SDK1: variants seen among roughly 807,000 people sequenced by gnomAD.
SDK1 encodes the protein sidekick cell adhesion molecule 1, also known as protein sidekick-1.
Under a neutral mutation model 245.5 loss-of-function variants are expected in SDK1, and 157 were observed. The ratio of observed to expected loss-of-function variants is 0.64; its 90% CI spans 0.56 to 0.73. SDK1 has a LOEUF of 0.73. SDK1 is among the 30% of genes least tolerant of loss of function. SDK1 has a pLI of 0.00. For synonymous variants in SDK1, 1,647 were observed against 1,278.5 expected (o/e 1.29, Z -6.15); for missense variants, 3,583 against 3,002.3 (o/e 1.19, Z -4.52).
chr7:3,352,661 G>T (rs1417802822), intron 1 of SDK1, among the ~76,000 whole-genome samples: 1 of 152,116 alleles, frequency 6.6e-6, no homozygotes, highest in African/African-American at 2.4e-5. Flanking sequence ...CAGATACACT[G>T]TTTGGGGTTT....
At chr7:3,506,552 G>T (rs566035469) in intron 1 of SDK1, among the ~76,000 whole-genome samples, 1 of 152,222 alleles carries the variant, frequency 6.6e-6, no homozygotes, top group South Asian at 2.1e-4. Flanking sequence ...TGATGACTCT[G>T]ATGTACTTTG....
intron 35 of SDK1, among the ~76,000 whole-genome samples, chr7:4,191,112 A>G (rs1215926566): frequency 6.6e-6 from 1 of 151,384 alleles, no homozygotes; most frequent in Non-Finnish European, 1.5e-5. Flanking sequence ...AATCAAGCTC[A>G]CTCCTGAGAC....
At chr7:4,153,124 A>G (rs1780493730) in intron 30 of SDK1, among the ~76,000 whole-genome samples, 1 of 152,048 alleles carries the variant, frequency 6.6e-6, no homozygotes, top group Non-Finnish European at 1.5e-5. Context: ...GTCGTGGGAT[A>G]GGTGCGGGGG....
intron 5 of SDK1, among the ~76,000 whole-genome samples, chr7:3,891,294 G>A (rs1781452548): frequency 6.6e-6 from 1 of 152,108 alleles, no homozygotes; most frequent in Non-Finnish European, 1.5e-5. Context: ...TCCAGGCCGT[G>A]GTTTTCGTGG....
At chr7:4,148,465 C>A (rs1437075590) in intron 29 of SDK1, among the ~76,000 whole-genome samples, 1 of 152,252 alleles carries the variant, frequency 6.6e-6, no homozygotes, top group Non-Finnish European at 1.5e-5. Context: ...CTGCACACAC[C>A]AGAGGCAGTG....
intron 5 of SDK1, among the ~76,000 whole-genome samples, chr7:3,897,192 T>C (rs1781633075): frequency 6.6e-6 from 1 of 152,184 alleles, no homozygotes; most frequent in African/African-American, 2.4e-5. Flanking sequence ...AGCCAAACCA[T>C]ATCAATACAT....
chr7:3,656,841 G>A (rs956157946), intron 4 of SDK1, among the ~76,000 whole-genome samples: 42 of 151,120 alleles, frequency 2.8e-4, no homozygotes, highest in Non-Finnish European at 4.9e-4. Context: ...TCCGCCTCCC[G>A]GGTTCACACC....
intron 1 of SDK1, among the ~76,000 whole-genome samples, chr7:3,565,220 G>T (rs1202848521): frequency 6.6e-6 from 1 of 151,992 alleles, no homozygotes; most frequent in Non-Finnish European, 1.5e-5. Flanking sequence ...CAGGAAAATG[G>T]CCTCTACTTC....
chr7:3,417,711 A>G (rs1779413512), intron 1 of SDK1, among the ~76,000 whole-genome samples: 1 of 152,066 alleles, frequency 6.6e-6, no homozygotes, highest in Non-Finnish European at 1.5e-5. Context: ...TTGTTACATA[A>G]AGTGTTTAGT....
At chr7:3,641,689 A>G (rs1221106508) in intron 3 of SDK1, among the ~76,000 whole-genome samples, 1 of 152,242 alleles carries the variant, frequency 6.6e-6, no homozygotes, top group African/African-American at 2.4e-5. Context: ...AGTTGCAGAC[A>G]TTTCCTTGTA....
chr7:3,344,821 C>A (rs1011344087), intron 1 of SDK1, among the ~76,000 whole-genome samples: 2 of 152,120 alleles, frequency 1.3e-5, no homozygotes, highest in Admixed American at 6.5e-5. Flanking sequence ...TTCAGCAGTC[C>A]TAAATTCAGA....
rs115429431 is a variant in SDK1 at position 3,893,117 on chromosome 7, C to T, written c.848-57806C>T. Reference sequence around the variant, plus strand: ...CTCATCTGTGAAGTGAACATCACAGCATCTAACTCTCAGGGCTGTGGGTAG... The same window carrying T: ...CTCATCTGTGAAGTGAACATCACAGTATCTAACTCTCAGGGCTGTGGGTAG... On this transcript the variant is annotated intron_variant, in intron 5 of 44. Transcript: ENST00000404826. Among the ~76,000 whole-genome samples, 977 of 152,286 alleles carry T rather than the reference C, an allele frequency of 6.4e-3. 8 individuals are homozygous for T. Among genetic ancestry groups the T allele is most frequent in the African/African-American group, 0.023 (944 of 41,560 alleles).
intron 1 of SDK1, among the ~76,000 whole-genome samples, chr7:3,493,353 TTTTAATC>T (rs1781922194): frequency 6.6e-6 from 1 of 152,226 alleles, no homozygotes; most frequent in East Asian, 1.9e-4. Flanking sequence ...CTACCTCAGT[TTTTAATC>T]TTTAAGTCCA....
intron 14 of SDK1, among the ~76,000 whole-genome samples, chr7:4,009,227 C>A (rs1415881435): frequency 6.6e-6 from 1 of 152,220 alleles, no homozygotes; most frequent in African/African-American, 2.4e-5. Context: ...CTCCATGCTT[C>A]TTTCTTCTAC....
rs150734266 is a variant in SDK1 at position 3,709,108 on chromosome 7, T to G, written c.713+67003T>G. Among the ~76,000 whole-genome samples, 227 of 152,370 alleles carry G rather than the reference T, an allele frequency of 1.5e-3. 2 individuals carry two copies. The highest frequency in any genetic ancestry group is 5.3e-3 in the African/African-American group (220 of 41,588). ...TTTGTTTCAGAATTCAGAACTCCTT[T>G]TAGCATTTCTTGTAGGGCTGGCCTG... is the stretch of plus-strand genomic sequence containing the variant. On this transcript the variant is annotated intron_variant, in intron 4 of 44. Coordinates refer to ENST00000404826, the MANE Select transcript of SDK1 (RefSeq NM_152744.4).
At chr7:3,623,910 G>A (rs1353593151) in intron 2 of SDK1, among the ~76,000 whole-genome samples, 1 of 152,154 alleles carries the variant, frequency 6.6e-6, no homozygotes, top group East Asian at 1.9e-4. Flanking sequence ...TTTGATGGAT[G>A]TTTATTCTTG....
At chr7:4,240,115 G>A (rs1786426822) in intron 42 of SDK1, among the ~76,000 whole-genome samples, 1 of 152,104 alleles carries the variant, frequency 6.6e-6, no homozygotes, top group Non-Finnish European at 1.5e-5. Context: ...TGTATGAATG[G>A]CGTGTCATTT....
chr7:3,524,961 C>T lies in SDK1; in HGVS notation c.299-94119C>T, dbSNP rs1477582492. Among the ~76,000 whole-genome samples the T allele has an allele frequency of 3.9e-5, 6 of 152,054 alleles. No homozygotes were observed. The East Asian group carries it at 1.2e-3, about 29-fold the overall frequency. On this transcript the variant is annotated intron_variant, in intron 1 of 44. Transcript: ENST00000404826. Reference sequence around the variant, plus strand: ...AATTGACCTCCCCATGTCTCAGGTTCCACATGCACAGATTCAACCAATTGT... The same window carrying T: ...AATTGACCTCCCCATGTCTCAGGTTTCACATGCACAGATTCAACCAATTGT...
intron 3 of SDK1, among the ~76,000 whole-genome samples, chr7:3,639,686 G>A (rs182440233): frequency 8.8e-4 from 134 of 152,226 alleles, no homozygotes; most frequent in African/African-American, 3.1e-3. Context: ...TAGTCTTGAG[G>A]AGAAACAGGA....
Sources: gnomAD v4.1 joint callset for allele counts (sites outside exome capture counted in the v4.1 genomes callset) on GRCh38, gnomAD v4.1.1 for gene constraint, MANE v1.5 for transcripts, NCBI Gene and HGNC (gene_info 2026-07-23, HGNC 2026-07-21) for gene names.